The following GFRA2 variants were observed in gnomAD, a reference collection of about 807,000 sequenced individuals.
GFRA2 encodes GDNF family receptor alpha 2.
A neutral mutation model predicts 48.3 loss-of-function variants in GFRA2; 17 were observed. The ratio of observed to expected loss-of-function variants is 0.35; its 90% CI spans 0.24 to 0.53. GFRA2 has a LOEUF of 0.53. Among genes scored for constraint, GFRA2 ranks in the 20% least tolerant of loss-of-function variants. GFRA2 has a pLI of 0.93. For synonymous variants in GFRA2, 305 were observed against 257.2 expected (o/e 1.19, Z -1.78); for missense variants, 660 against 637.3 (o/e 1.04, Z -0.38).
At chr8:21,752,900 G>A (rs1185366703) in intron 3 of GFRA2, among the ~76,000 whole-genome samples, 1 of 152,020 alleles carries the variant, frequency 6.6e-6, no homozygotes, top group Non-Finnish European at 1.5e-5. Context: ...CCAGAATCCA[G>A]ACACTTCTCA....
At chr8:21,697,400 G>T (rs535684926) in intron 7 of GFRA2, among the ~76,000 whole-genome samples, 7 of 152,024 alleles carry the variant, frequency 4.6e-5, no homozygotes, top group Admixed American at 6.5e-5. Flanking sequence ...ATTATCAGGG[G>T]ACAGTGAAAC....
chr8:21,759,888 C>CAAA (rs35385607), intron 3 of GFRA2, among the ~76,000 whole-genome samples: 132 of 105,100 alleles, frequency 1.3e-3, no homozygotes, highest in Middle Eastern at 5.8e-3. Flanking sequence ...GATTGCGTCT[C>CAAA]AAAAAAAAAA....
At position 21,691,816 on chromosome 8, in the gene GFRA2, C is replaced by G. The variant is rs1328135664; in HGVS notation, c.*1462G>C. ...CAGCGTGGACCCTCAGATCCCGCCC[C>G]CAGTGTCAAACCAGCTCCTAAGAGA... On this transcript the variant is annotated 3_prime_UTR_variant, in exon 9 of 9. Coordinates refer to ENST00000524240, the MANE Select transcript of GFRA2 (RefSeq NM_001495.5). 6.6e-6 allele frequency: 1 copy of G among 152,454 alleles called. No individual in the cohort carries two copies. Among genetic ancestry groups the G allele is most frequent in the Non-Finnish European group, 1.5e-5 (1 of 68,162 alleles). 9.4% of individuals were successfully genotyped at this position (152,454 alleles called of 1,614,324 possible).
intron 4 of GFRA2, among the ~76,000 whole-genome samples, chr8:21,741,688 C>T (rs1804749798): frequency 1.3e-5 from 2 of 152,096 alleles, no homozygotes; most frequent in Admixed American, 1.3e-4. Flanking sequence ...CTTTGGGAGG[C>T]TGAGGCAGGC....
intron 3 of GFRA2, among the ~76,000 whole-genome samples, chr8:21,761,843 G>C (rs1040382598): frequency 6.6e-6 from 1 of 152,048 alleles, no homozygotes; most frequent in Non-Finnish European, 1.5e-5. Context: ...CCAGCTACTC[G>C]GGAGGCTGAG....
intron 4 of GFRA2, among the ~76,000 whole-genome samples, chr8:21,749,132 CAG>C: frequency 6.6e-6 from 1 of 152,002 alleles, no homozygotes; most frequent in Non-Finnish European, 1.5e-5. Context: ...CTGCACACAA[CAG>C]AGTCTCAATA....
intron 3 of GFRA2, among the ~76,000 whole-genome samples, chr8:21,765,562 C>T (rs1379695019): frequency 6.6e-6 from 1 of 152,016 alleles, no homozygotes; most frequent in Non-Finnish European, 1.5e-5. Flanking sequence ...TGACTATATA[C>T]CCTCCCTCCA....
chr8:21,703,190 TA>T (rs1461434992), intron 6 of GFRA2, among the ~76,000 whole-genome samples: 1 of 151,658 alleles, frequency 6.6e-6, no homozygotes, highest in Non-Finnish European at 1.5e-5. Flanking sequence ...AGAGAGAGGT[TA>T]AAAAACACAG....
chr8:21,705,853 G>C, intron 5 of GFRA2, 79 bp downstream of exon 5: 1 of 931,782 alleles, frequency 1.1e-6, no homozygotes, highest in Non-Finnish European at 1.7e-6. Flanking sequence ...AGCTGGCCCT[G>C]AGCTGGGCTG....
intron 4 of GFRA2, among the ~76,000 whole-genome samples, chr8:21,725,618 CTA>C (rs1200542431): frequency 1.3e-5 from 2 of 152,226 alleles, no homozygotes; most frequent in African/African-American, 4.8e-5. Context: ...GCTAAGCACT[CTA>C]AAAGCATTAG....
intron 4 of GFRA2, among the ~76,000 whole-genome samples, chr8:21,722,516 G>A (rs1248755221): frequency 2.0e-5 from 3 of 152,186 alleles, no homozygotes; most frequent in African/African-American, 7.2e-5. Context: ...GAACTGTGGG[G>A]TTCTAACCTG....
chr8:21,760,702 T>G (rs999854006), intron 3 of GFRA2, among the ~76,000 whole-genome samples: 14 of 152,280 alleles, frequency 9.2e-5, no homozygotes, highest in Middle Eastern at 3.4e-3. Flanking sequence ...CTTGGCATGG[T>G]TGATACTGGA....
At chr8:21,728,270 T>TG (rs1462743031) in intron 4 of GFRA2, among the ~76,000 whole-genome samples, 3 of 132,278 alleles carry the variant, frequency 2.3e-5, no homozygotes, top group Non-Finnish European at 3.3e-5. Context: ...ACCAGGTTTT[T>TG]TTTTTTTTTT....
chr8:21,764,160 A>G (rs777768153), intron 3 of GFRA2, among the ~76,000 whole-genome samples: 3 of 152,172 alleles, frequency 2.0e-5, no homozygotes, highest in Non-Finnish European at 4.4e-5. Context: ...GTGGCGTATA[A>G]ATAAATCACA....
chr8:21,726,576 C>T (rs1471047264), intron 4 of GFRA2, among the ~76,000 whole-genome samples: 2 of 152,078 alleles, frequency 1.3e-5, no homozygotes, highest in South Asian at 2.1e-4. Context: ...CTTCTGGTGG[C>T]GCCCGGCATC....
Position 21,706,052 on chromosome 8 carries a change from G to A in GFRA2, c.795-11C>T, listed in dbSNP as rs578092449. 1.2e-5 allele frequency: 19 copies of A among 1,535,820 alleles called. No individual in the cohort carries two copies. In the African/African-American group the frequency reaches 2.6e-4, roughly 21 times the overall value. ...TCGGCCAGCCGGGACCTGGTGGTGG[G>A]TAGAAGACGCAATAGAGAAAACAGG... On this transcript the variant is annotated splice_polypyrimidine_tract_variant and intron_variant, in intron 4 of 8. Coordinates refer to ENST00000524240, the MANE Select transcript of GFRA2 (RefSeq NM_001495.5).
chr8:21,776,037 G>GTGTGTGTGTA (rs549952048), intron 2 of GFRA2, among the ~76,000 whole-genome samples: 1,950 of 139,778 alleles, frequency 0.014, 46 homozygotes, highest in Middle Eastern at 0.027. Flanking sequence ...GTGTGTGTGT[G>GTGTGTGTGTA]TGTAGTGAAA....
At position 21,773,364 on chromosome 8, in the gene GFRA2, C is replaced by G. The variant is rs999275541; in HGVS notation, c.439+1608G>C. Among the ~76,000 whole-genome samples the G allele has an allele frequency of 9.5e-4, 144 of 152,308 alleles. 1 individual carries two copies. Among genetic ancestry groups the G allele is most frequent in the Middle Eastern group, 3.4e-3 (1 of 294 alleles). On this transcript the variant is annotated intron_variant, in intron 3 of 8. Transcript: ENST00000524240. ...GGTCTCCGCTCCATTCACCACCACC[C>G]CAACCACCGCCAGTGCCCAAGGCCA...
intron 7 of GFRA2, among the ~76,000 whole-genome samples, chr8:21,696,900 GTGAGA>G: frequency 8.8e-5 from 12 of 136,952 alleles, no homozygotes; most frequent in South Asian, 4.8e-4. Flanking sequence ...AGGGGACAGA[GTGAGA>G]GGAGAGGGGA....
Sources: gnomAD v4.1 joint callset for allele counts (sites outside exome capture counted in the v4.1 genomes callset) on GRCh38, gnomAD v4.1.1 for gene constraint, MANE v1.5 for transcripts, NCBI Gene and HGNC (gene_info 2026-07-23, HGNC 2026-07-21) for gene names.